ZNF83: variants seen among roughly 807,000 people sequenced by gnomAD.
ZNF83 encodes zinc finger protein 816B.
For synonymous variants in ZNF83, 209 were observed against 213.0 expected (o/e 0.98, Z 0.17); for missense variants, 552 against 629.9 (o/e 0.88, Z 1.32).
chr19:52,664,722 G>A (rs1212729255), intron 1 of ZNF83, among the ~76,000 whole-genome samples: 1 of 151,528 alleles, frequency 6.6e-6, no homozygotes, highest in Non-Finnish European at 1.5e-5. Context: ...AGTGAGGCCA[G>A]GGTGGGGCAT....
chr19:52,613,525 C>T (rs1184948554), exon 3 of ZNF83: 2 of 1,614,014 alleles, frequency 1.2e-6, no homozygotes, highest in Non-Finnish European at 1.7e-6. Context: ...ACATTCATTA[C>T]ATTTGTAAGG....
At chr19:52,653,616 C>T (rs1409539244) in intron 3 of ZNF83, among the ~76,000 whole-genome samples, 1 of 152,004 alleles carries the variant, frequency 6.6e-6, no homozygotes, top group Non-Finnish European at 1.5e-5. Context: ...GGGATGACGT[C>T]TGACTGAAGG....
intron 2 of ZNF83, among the ~76,000 whole-genome samples, chr19:52,621,265 G>A (rs576492739): frequency 1.2e-4 from 18 of 152,300 alleles, no homozygotes; most frequent in South Asian, 8.3e-4. Context: ...TCTTTTTACT[G>A]TCTTCTCCAA....
chr19:52,680,867 C>T (rs1319358222), intron 1 of ZNF83, among the ~76,000 whole-genome samples: 1 of 151,608 alleles, frequency 6.6e-6, no homozygotes, highest in East Asian at 2.0e-4. Context: ...CCGCCTCGGC[C>T]TCCCAAAGTG....
intron 2 of ZNF83, among the ~76,000 whole-genome samples, chr19:52,623,908 G>A (rs1245902273): frequency 1.3e-5 from 2 of 152,100 alleles, no homozygotes; most frequent in African/African-American, 4.8e-5. Flanking sequence ...TATCCACCCT[G>A]TGGTGCCCAA....
chr19:52,659,604 A>C (rs1461910002), intron 2 of ZNF83, among the ~76,000 whole-genome samples: 1 of 124,276 alleles, frequency 8.0e-6, no homozygotes, highest in East Asian at 2.0e-4. Flanking sequence ...ACAGAGCAAG[A>C]CTCCAACTCA....
At chr19:52,669,197 C>T (rs1431127617) in intron 1 of ZNF83, among the ~76,000 whole-genome samples, 1 of 152,184 alleles carries the variant, frequency 6.6e-6, no homozygotes, top group Non-Finnish European at 1.5e-5. Context: ...CCTGGCATTT[C>T]ATCAACCAGA....
chr19:52,646,010 G>T (rs894155889), intron 3 of ZNF83, among the ~76,000 whole-genome samples: 16 of 151,938 alleles, frequency 1.1e-4, no homozygotes, highest in African/African-American at 3.9e-4. Flanking sequence ...CATGATTTCG[G>T]CTCACTGCAA....
chr19:52,655,766 G>A, intron 2 of ZNF83: 1 of 671,078 alleles, frequency 1.5e-6, no homozygotes, highest in African/African-American at 1.8e-5. Context: ...GAGAAAATAA[G>A]TATTGATTTG....
At chr19:52,652,159 C>A in intron 3 of ZNF83, 1 of 223,726 alleles carries the variant, frequency 4.5e-6, no homozygotes. Context: ...CATTGCCACA[C>A]TGGGCGTGGT....
chr19:52,664,322 C>A (rs1600245969), intron 1 of ZNF83, among the ~76,000 whole-genome samples: 1 of 151,878 alleles, frequency 6.6e-6, no homozygotes, highest in East Asian at 1.9e-4. Flanking sequence ...ATGGAGAAAG[C>A]CCGTCTCTAT....
chr19:52,614,696 C>T (rs773312415), exon 3 of ZNF83: 37 of 1,349,706 alleles, frequency 2.7e-5, no homozygotes, highest in South Asian at 4.4e-5. Flanking sequence ...TCTTGTATGT[C>T]GTGGCTTTCA....
At chr19:52,649,029 C>A (rs896117166) in intron 3 of ZNF83, among the ~76,000 whole-genome samples, 2 of 152,194 alleles carry the variant, frequency 1.3e-5, no homozygotes, top group Non-Finnish European at 2.9e-5. Context: ...CCCTCAACGA[C>A]CTTTCCCTTC....
chr19:52,678,839 G>A (rs1837913769), intron 1 of ZNF83, among the ~76,000 whole-genome samples: 1 of 151,892 alleles, frequency 6.6e-6, no homozygotes, highest in South Asian at 2.1e-4. Flanking sequence ...GCCAAGTGTG[G>A]TGGTACATGC....
chr19:52,645,923 TTTTG>T (rs372702365), intron 3 of ZNF83, among the ~76,000 whole-genome samples: 24 of 152,018 alleles, frequency 1.6e-4, no homozygotes, highest in African/African-American at 4.3e-4. Flanking sequence ...CTGTTTTTGA[TTTTG>T]TTTATTTTTT....
exon 3 of ZNF83, chr19:52,613,896 ATGT>A (rs1343134543): frequency 6.2e-7 from 1 of 1,613,898 alleles, no homozygotes; most frequent in Non-Finnish European, 8.5e-7. Context: ...GAATTGTCCG[ATGT>A]TGTGCAAGGT....
chr19:52,676,172 G>A (rs1018856161), intron 1 of ZNF83, among the ~76,000 whole-genome samples: 2 of 152,174 alleles, frequency 1.3e-5, no homozygotes, highest in East Asian at 1.9e-4. Context: ...TGGTGGAGAC[G>A]GGGTTTCGCT....
intron 1 of ZNF83, among the ~76,000 whole-genome samples, chr19:52,662,081 T>C (rs1024784157): frequency 3.3e-5 from 5 of 152,108 alleles, no homozygotes; most frequent in Non-Finnish European, 7.4e-5. Flanking sequence ...AGGGATGAGG[T>C]CTTGAAATAT....
intron 2 of ZNF83, among the ~76,000 whole-genome samples, chr19:52,631,918 C>A (rs1431215133): frequency 2.2e-5 from 3 of 137,066 alleles, no homozygotes; most frequent in Non-Finnish European, 3.1e-5. Context: ...TTCTACTACT[C>A]CTCAGGGATT....
Sources: allele counts gnomAD v4.1 joint callset (sites outside exome capture counted in the v4.1 genomes callset), GRCh38; gene constraint gnomAD v4.1.1; transcripts MANE v1.5; gene names NCBI Gene and HGNC (gene_info 2026-07-23, HGNC 2026-07-21).